OSBPL10: variants seen among roughly 807,000 people sequenced by gnomAD.
OSBPL10 encodes oxysterol binding protein like 10, also known as oxysterol-binding protein-related protein 10.
OSBPL10 carries 49 observed loss-of-function variants against 81.7 expected under a neutral mutation model. The observed-to-expected ratio is 0.60, with a 90% confidence interval of 0.48 to 0.76. OSBPL10 has a LOEUF of 0.76. Among genes scored for constraint, OSBPL10 ranks in the 30% least tolerant of loss-of-function variants. OSBPL10 has a pLI of 0.00. For synonymous variants in OSBPL10, 419 were observed against 383.6 expected (o/e 1.09, Z -1.08); for missense variants, 923 against 987.8 (o/e 0.93, Z 0.88).
At chr3:31,924,499 T>C (rs1697014616) in intron 1 of OSBPL10, among the ~76,000 whole-genome samples, 2 of 152,260 alleles carry the variant, frequency 1.3e-5, no homozygotes, top group African/African-American at 4.8e-5. Flanking sequence ...GGTAAAATCC[T>C]GGATAACAAA....
chr3:31,922,266 T>G (rs555723494), intron 1 of OSBPL10, among the ~76,000 whole-genome samples: 3 of 152,212 alleles, frequency 2.0e-5, no homozygotes, highest in Non-Finnish European at 4.4e-5. Flanking sequence ...ATGTTAATAA[T>G]AGAGAAACTG....
At chr3:31,753,037 C>T (rs905691173) in intron 4 of OSBPL10, among the ~76,000 whole-genome samples, 1 of 152,148 alleles carries the variant, frequency 6.6e-6, no homozygotes, top group Non-Finnish European at 1.5e-5. Context: ...TACAAGATGG[C>T]CTTGGTTTGG....
chr3:32,062,675 A>G (rs1699758466), intron 1 of OSBPL10, among the ~76,000 whole-genome samples: 1 of 94,554 alleles, frequency 1.1e-5, no homozygotes. Flanking sequence ...TCAGACCTGG[A>G]TTTGTGCTAA....
intron 3 of OSBPL10, among the ~76,000 whole-genome samples, chr3:31,858,405 G>A (rs1420772025): frequency 1.3e-5 from 2 of 152,060 alleles, no homozygotes; most frequent in Non-Finnish European, 2.9e-5. Context: ...TTCACAAGCT[G>A]TGCCTTTCCA....
intron 4 of OSBPL10, among the ~76,000 whole-genome samples, chr3:31,786,018 C>T (rs1044018090): frequency 1.3e-5 from 2 of 152,146 alleles, no homozygotes; most frequent in African/African-American, 4.8e-5. Context: ...GGAATCACTC[C>T]CATGATTCTC....
chr3:31,794,666 C>A, intron 4 of OSBPL10: 1 of 308,842 alleles, frequency 3.2e-6, no homozygotes, highest in Non-Finnish European at 6.6e-6. Context: ...GAAGAGGCAC[C>A]ATATAAGCAG....
chr3:31,892,852 G>T (rs927510153), intron 1 of OSBPL10, among the ~76,000 whole-genome samples: 2 of 152,256 alleles, frequency 1.3e-5, no homozygotes, highest in East Asian at 3.9e-4. Context: ...AGCAAGCCAC[G>T]GACCAGCAGA....
chr3:32,007,802 G>T (rs1211928578), intron 2 of OSBPL10, among the ~76,000 whole-genome samples: 1 of 151,960 alleles, frequency 6.6e-6, no homozygotes, highest in East Asian at 1.9e-4. Context: ...CATCTCCCGA[G>T]TTCAAGCGAT....
chr3:31,790,432 A>G (rs991518544), intron 4 of OSBPL10, among the ~76,000 whole-genome samples: 3 of 152,220 alleles, frequency 2.0e-5, no homozygotes, highest in African/African-American at 4.8e-5. Flanking sequence ...TGTGTCCTCA[A>G]TCATCCTCTG....
intron 3 of OSBPL10, 54 bp downstream of exon 3, chr3:31,876,379 C>T: frequency 6.8e-7 from 1 of 1,463,266 alleles, no homozygotes; most frequent in Non-Finnish European, 9.6e-7. Context: ...AATAATGGGG[C>T]TGAAAGCCAG....
intron 7 of OSBPL10, among the ~76,000 whole-genome samples, chr3:31,692,882 A>T (rs762152317): frequency 6.6e-6 from 1 of 152,372 alleles, no homozygotes; most frequent in South Asian, 2.1e-4. Context: ...GGGCCTGAAG[A>T]CTACCATTGT....
At chr3:31,775,031 G>A (rs996863264) in intron 4 of OSBPL10, among the ~76,000 whole-genome samples, 4 of 151,554 alleles carry the variant, frequency 2.6e-5, no homozygotes, top group African/African-American at 9.7e-5. Context: ...GCCGGGAATG[G>A]TGGCATGTGC....
intron 2 of OSBPL10, among the ~76,000 whole-genome samples, chr3:31,876,941 T>C (rs1701489975): frequency 6.6e-6 from 1 of 150,750 alleles, no homozygotes. Context: ...TCTCGCTCTG[T>C]CGCCCAGGCT....
At chr3:32,019,519 G>C (rs1342928119) in intron 2 of OSBPL10, among the ~76,000 whole-genome samples, 2 of 152,186 alleles carry the variant, frequency 1.3e-5, no homozygotes, top group African/African-American at 2.4e-5. Flanking sequence ...GAAGAGAGGA[G>C]TATAATGGGA....
chr3:31,783,788 TTAAAAAAAAAA>T lies in OSBPL10; in HGVS notation c.730-35679_730-35669del, dbSNP rs1698767731. ...ACTGGGTGACAGAGCAAGACTCCGA[TTAAAAAAAAAA>T]AAAAAAAAAAAAAAAAAAAAAAAAA... On this transcript the variant is annotated intron_variant, in intron 4 of 11. Transcript: ENST00000396556. Among the ~76,000 whole-genome samples, 12 of 18,904 alleles carry T rather than the reference TTAAAAAAAAAA, an allele frequency of 6.3e-4. 1 individual carries two copies. The highest frequency in any genetic ancestry group is 9.5e-4 in the African/African-American group (6 of 6,304). The allele number at this position is 18,904 out of a possible 152,430, so 12.4% of individuals were successfully genotyped here.
chr3:31,674,087 C>A (rs1427844701), intron 8 of OSBPL10, among the ~76,000 whole-genome samples: 2 of 152,144 alleles, frequency 1.3e-5, no homozygotes, highest in Non-Finnish European at 2.9e-5. Context: ...GATATTTGAC[C>A]CCCTCCAAAA....
intron 4 of OSBPL10, among the ~76,000 whole-genome samples, chr3:31,802,421 C>A (rs532541250): frequency 1.3e-5 from 2 of 151,344 alleles, no homozygotes; most frequent in Non-Finnish European, 2.9e-5. Context: ...CAAAAATTAG[C>A]CAGGCATGGT....
intron 3 of OSBPL10, among the ~76,000 whole-genome samples, chr3:31,871,180 T>C (rs538216741): frequency 1.4e-4 from 21 of 152,310 alleles, no homozygotes; most frequent in African/African-American, 4.8e-4. Flanking sequence ...ATCTTGCTAC[T>C]GCTCACTCTT....
At chr3:31,728,627 T>C (rs1175781083) in intron 6 of OSBPL10, among the ~76,000 whole-genome samples, 1 of 152,224 alleles carries the variant, frequency 6.6e-6, no homozygotes, top group Non-Finnish European at 1.5e-5. Context: ...GAATCTCAAA[T>C]GCATTATGCT....
Sources: gnomAD v4.1 joint callset for allele counts (sites outside exome capture counted in the v4.1 genomes callset) on GRCh38, gnomAD v4.1.1 for gene constraint, MANE v1.5 for transcripts, NCBI Gene and HGNC (gene_info 2026-07-23, HGNC 2026-07-21) for gene names.